Variants in C13orf46 observed in about 807,000 individuals in gnomAD.
C13orf46 encodes chromosome 13 open reading frame 46, also known as uncharacterized protein C13orf46.
intron 4 of C13orf46, among the ~76,000 whole-genome samples, chr13:113,968,066 C>T (rs1293723945): frequency 1.3e-5 from 2 of 152,218 alleles, no homozygotes; most frequent in African/African-American, 4.8e-5. Flanking sequence ...GTCCCCACCA[C>T]ACAGCTTGGA....
At chr13:113,942,339 C>G in the C13orf46 span, among the ~76,000 whole-genome samples, 1 of 152,326 alleles carries the variant, frequency 6.6e-6, no homozygotes, top group East Asian at 1.9e-4. Context: ...CACCACGAGT[C>G]AAAGTCCACG....
the C13orf46 span, among the ~76,000 whole-genome samples, chr13:113,933,994 T>C: frequency 2.6e-5 from 4 of 152,166 alleles, no homozygotes; most frequent in Admixed American, 1.3e-4. Context: ...ATATGTGGAT[T>C]TCTGTAACCA....
In C13orf46 at chr13:113,956,365, A is replaced by G. The variant is rs2052534399; in HGVS notation, c.*408T>C. 1.7e-5 allele frequency: 2 copies of G among 116,828 alleles called. No individual in the cohort carries two copies. The highest frequency in any genetic ancestry group is 3.5e-5 in the Non-Finnish European group (2 of 57,076). The allele number at this position is 116,828 out of a possible 1,614,324, so 7.2% of individuals were successfully genotyped here. A position where few individuals can be genotyped will look rare whatever the true frequency, so the allele number is the denominator to read the frequency against. On this transcript the variant is annotated 3_prime_UTR_variant, in exon 7 of 7. Coordinates refer to ENST00000636427, the MANE Select transcript of C13orf46 (RefSeq NM_001365455.2). ...GGAGTAGTATCTGGTGGAGAGGAGGAGCATCTGGTGGAGAGGAGGAGCATC... is the reference window on the plus strand; with the variant it reads ...GGAGTAGTATCTGGTGGAGAGGAGGGGCATCTGGTGGAGAGGAGGAGCATC...
intron 1 of C13orf46, among the ~76,000 whole-genome samples, chr13:113,973,555 C>T (rs890175004): frequency 1.7e-4 from 26 of 152,212 alleles, no homozygotes; most frequent in Admixed American, 1.2e-3. Flanking sequence ...TGTCCCTTTC[C>T]GGACAGAACC....
At chr13:113,950,262 C>A (rs1468020123), downstream of C13orf46, among the ~76,000 whole-genome samples, 1 of 126,876 alleles carries the variant, frequency 7.9e-6, no homozygotes, top group African/African-American at 3.1e-5. Context: ...CCCCCTGCCT[C>A]GGGCACCTCG....
rs1199507355 is a variant in C13orf46 at position 113,965,836 on chromosome 13, A to ACGG, written c.505-843_505-842insCCG. Among the ~76,000 whole-genome samples the ACGG allele has an allele frequency of 6.2e-4, 43 of 69,130 alleles. 1 individual carries two copies. Among genetic ancestry groups the ACGG allele is most frequent in the Admixed American group, 5.0e-3 (37 of 7,468 alleles). The allele number at this position is 69,130 out of a possible 152,430, so 45.4% of individuals were successfully genotyped here. ...GAAGGTGATGATGGTGATAATGGTGATGGTGATGATGGTGATGGTGGTGAT... is the reference window on the plus strand; with the variant it reads ...GAAGGTGATGATGGTGATAATGGTGACGGTGGTGATGATGGTGATGGTGGTGAT... On this transcript the variant is annotated intron_variant, in intron 5 of 6. Coordinates refer to ENST00000636427, the MANE Select transcript of C13orf46 (RefSeq NM_001365455.2).
rs879092793 is a variant in C13orf46 at position 113,958,057 on chromosome 13, C to CGG, written c.573-1220_573-1219dup. On this transcript the variant is annotated intron_variant, in intron 6 of 6. Transcript: ENST00000636427. Reference sequence around the variant, plus strand: ...CCTGCACCCCTTTCATCAAGTGCACCGGGGGGGTCTCCCCTGCACTCTGTA... The same window carrying CGG: ...CCTGCACCCCTTTCATCAAGTGCACCGGGGGGGGGTCTCCCCTGCACTCTGTA... 4.5e-4 allele frequency among the ~76,000 whole-genome samples: 57 copies of CGG among 127,958 alleles called. 1 individual carries two copies. Among genetic ancestry groups the CGG allele is most frequent in the South Asian group, 1.4e-3 (5 of 3,622 alleles). 83.9% of individuals were successfully genotyped at this position (127,958 alleles called of 152,430 possible). A position where few individuals can be genotyped will look rare whatever the true frequency, so the allele number is the denominator to read the frequency against.
the C13orf46 span, among the ~76,000 whole-genome samples, chr13:113,947,412 C>G: frequency 3.9e-3 from 592 of 152,262 alleles, 9 homozygotes; most frequent in East Asian, 0.046. Flanking sequence ...TCACTGCTGC[C>G]GTCTGCTGTC....
intron 1 of C13orf46, among the ~76,000 whole-genome samples, chr13:113,970,946 G>A (rs1035553419): frequency 2.6e-5 from 4 of 152,194 alleles, no homozygotes; most frequent in African/African-American, 9.7e-5. Context: ...TTGGCTAAAG[G>A]TGTTGACTGA....
the C13orf46 span, chr13:113,927,736 T>C: frequency 3.0e-5 from 12 of 397,404 alleles, no homozygotes; most frequent in East Asian, 4.3e-4. Flanking sequence ...CCTGAGGCCA[T>C]GTGCGGTGTC....
At chr13:113,939,320 A>C in the C13orf46 span, among the ~76,000 whole-genome samples, 1 of 152,084 alleles carries the variant, frequency 6.6e-6, no homozygotes, top group Non-Finnish European at 1.5e-5. Context: ...CAGAGCCAGA[A>C]GGGGACCACC....
chr13:113,939,016 C>T, the C13orf46 span, among the ~76,000 whole-genome samples: 3 of 152,128 alleles, frequency 2.0e-5, no homozygotes, highest in Non-Finnish European at 2.9e-5. Flanking sequence ...GCTCCTCCCA[C>T]GATCCCTTCC....
chr13:113,947,951 CT>C, the C13orf46 span, among the ~76,000 whole-genome samples: 21 of 152,360 alleles, frequency 1.4e-4, no homozygotes, highest in East Asian at 3.7e-3. Flanking sequence ...CGAGCACTGA[CT>C]GCCCTCTCTA....
the C13orf46 span, among the ~76,000 whole-genome samples, chr13:113,943,192 A>G: frequency 3.2e-5 from 4 of 123,214 alleles, no homozygotes; most frequent in Admixed American, 8.0e-5. Flanking sequence ...TGAGCCCAAG[A>G]CAAGTGACCG....
At chr13:113,959,840 A>G (rs1233040679) in intron 6 of C13orf46, among the ~76,000 whole-genome samples, 1 of 152,250 alleles carries the variant, frequency 6.6e-6, no homozygotes, top group Non-Finnish European at 1.5e-5. Flanking sequence ...CACAAAGTCC[A>G]AGCATGTCAG....
At chr13:113,934,194 G>T in the C13orf46 span, among the ~76,000 whole-genome samples, 43 of 152,350 alleles carry the variant, frequency 2.8e-4, no homozygotes, top group African/African-American at 1.0e-3. Context: ...TGCTGAGCAC[G>T]TTGTGTGGTG....
At chr13:113,936,429 G>T in the C13orf46 span, among the ~76,000 whole-genome samples, 2 of 152,330 alleles carry the variant, frequency 1.3e-5, no homozygotes, top group South Asian at 4.1e-4. Context: ...GCTCAAAGGA[G>T]CCAAGGCCTT....
intron 6 of C13orf46, among the ~76,000 whole-genome samples, chr13:113,960,467 T>C (rs921807104): frequency 6.6e-6 from 1 of 152,136 alleles, no homozygotes. Context: ...TCACGTGTGG[T>C]TTGCAGGTCG....
intron 6 of C13orf46, among the ~76,000 whole-genome samples, chr13:113,958,170 G>T (rs1420987458): frequency 7.1e-6 from 1 of 141,486 alleles, no homozygotes; most frequent in African/African-American, 2.7e-5. Context: ...GGTCTCCCCT[G>T]CACTCTGCCT....
Sources: gnomAD v4.1 joint callset for allele counts (sites outside exome capture counted in the v4.1 genomes callset) on GRCh38, gnomAD v4.1.1 for gene constraint, MANE v1.5 for transcripts, NCBI Gene and HGNC (gene_info 2026-07-23, HGNC 2026-07-21) for gene names.